The following KCNC1 variants were observed in gnomAD, a reference collection of about 807,000 sequenced individuals.
KCNC1 encodes the protein voltage-gated potassium channel KCNC1.
A neutral mutation model predicts 43.4 loss-of-function variants in KCNC1; 8 were observed. The ratio of observed to expected loss-of-function variants is 0.18; its 90% CI spans 0.11 to 0.33. KCNC1 has a LOEUF of 0.33. Among genes scored for constraint, KCNC1 ranks in the 10% least tolerant of loss-of-function variants. KCNC1 has a pLI of 1.00. For synonymous variants in KCNC1, 361 were observed against 360.5 expected, an observed-to-expected ratio of 1.00 and a Z score of -0.01; for missense variants, 420 against 836.0, an observed-to-expected ratio of 0.50 and a Z score of 6.14.
At chr11:17,755,438 T>A (rs1849013241) in intron 1 of KCNC1, among the ~76,000 whole-genome samples, 1 of 151,998 alleles carries the variant, frequency 6.6e-6, no homozygotes, top group South Asian at 2.1e-4. Context: ...GGGAGACCAG[T>A]TAAGAGACTG....
rs1391331079 is a variant in KCNC1, at chr11:17,739,047, C to G, written c.570+2475C>G. 6.6e-6 allele frequency among the ~76,000 whole-genome samples: 1 copy of G among 152,212 alleles called. No homozygotes were observed. Among genetic ancestry groups the G allele is most frequent in the East Asian group, 1.9e-4 (1 of 5,180 alleles). On this transcript the variant is annotated intron_variant, in intron 1 of 3. Coordinates refer to ENST00000265969, the MANE Select transcript of KCNC1 (RefSeq NM_001112741.2). This position sits in a 1 kb window ranked among gnomAD's most constrained non-coding sequence, Gnocchi z 4.2. ...CCTGCCGCCCGCCCGGCTGGCCTAG[C>G]TGCACTGCGCTGCCTCTCTGCGGCT...
chr11:17,770,071 G>A (rs1422476623), intron 1 of KCNC1, among the ~76,000 whole-genome samples: 1 of 152,268 alleles, frequency 6.6e-6, no homozygotes, highest in Non-Finnish European at 1.5e-5. Flanking sequence ...GCCAGGTTGA[G>A]TGTCAGGCCC....
rs143914441 is a variant in KCNC1 at position 17,779,145 on chromosome 11, C to G, written c.1505-311C>G. ...ACACCATCCTGTTTCATCGGCCCTGCTTGGGGCCCGGGGCCGGCCCCCAGC... is the reference window on the plus strand; with the variant it reads ...ACACCATCCTGTTTCATCGGCCCTGGTTGGGGCCCGGGGCCGGCCCCCAGC... On this transcript the variant is annotated intron_variant, in intron 2 of 3. Transcript: ENST00000265969. The surrounding 1 kb of genome is among the most constrained non-coding windows in gnomAD (Gnocchi z 7.2). 9.7e-4 allele frequency: 260 copies of G among 267,548 alleles called. No homozygotes were observed. The highest frequency in any genetic ancestry group is 5.4e-3 in the African/African-American group (248 of 45,582). 16.6% of individuals were successfully genotyped at this position (267,548 alleles called of 1,614,324 possible). A position where few individuals can be genotyped will look rare whatever the true frequency, so the allele number is the denominator to read the frequency against.
At chr11:17,745,257 G>A (rs1315073239) in intron 1 of KCNC1, among the ~76,000 whole-genome samples, 4 of 152,128 alleles carry the variant, frequency 2.6e-5, no homozygotes, top group East Asian at 3.9e-4. Flanking sequence ...CTGAGGCTTC[G>A]ATGGCAGGGG....
At chr11:17,744,390 G>C (rs1287468813) in intron 1 of KCNC1, among the ~76,000 whole-genome samples, 1 of 152,192 alleles carries the variant, frequency 6.6e-6, no homozygotes, top group African/African-American at 2.4e-5. Flanking sequence ...CCAGCAGGAA[G>C]GGGTCTAAAA....
At chr11:17,762,485 G>T (rs192223218) in intron 1 of KCNC1, among the ~76,000 whole-genome samples, 22 of 152,168 alleles carry the variant, frequency 1.4e-4, no homozygotes, top group Non-Finnish European at 2.6e-4. Context: ...GACAATGAAG[G>T]CTCAGAAAGG....
rs530016748 is a variant in KCNC1 at position 17,742,917 on chromosome 11, C to G, written c.570+6345C>G. On this transcript the variant is annotated intron_variant, in intron 1 of 3. Transcript: ENST00000265969. The surrounding 1 kb of genome is among the most constrained non-coding windows in gnomAD (Gnocchi z 4.2). ...TTATCTACTCCCATTAATTTCCTTC[C>G]TGGGGGAAGTGGAATACACAGATAC... is the stretch of plus-strand genomic sequence containing the variant. 1.3e-5 allele frequency among the ~76,000 whole-genome samples: 2 copies of G among 152,226 alleles called. No homozygotes were observed. The highest frequency in any genetic ancestry group is 2.9e-5 in the Non-Finnish European group (2 of 68,016).
rs1045358067 is a variant in KCNC1, at chr11:17,782,562, A to C, written c.*828A>C. 6.6e-6 allele frequency: 1 copy of C among 152,174 alleles called. No individual in the cohort carries two copies. The highest frequency in any genetic ancestry group is 2.1e-4 in the South Asian group (1 of 4,818). The allele number at this position is 152,174 out of a possible 1,614,324, so 9.4% of individuals were successfully genotyped here. ...TATGGATTTTCCAAGTGTTCCATTA[A>C]AACCAGGATGTAGAGCACCAAAAGA... On this transcript the variant is annotated 3_prime_UTR_variant, in exon 4 of 4. Transcript: ENST00000265969.
chr11:17,746,388 T>C (rs891815060), intron 1 of KCNC1, among the ~76,000 whole-genome samples: 4 of 152,218 alleles, frequency 2.6e-5, no homozygotes, highest in African/African-American at 9.7e-5. Context: ...GCCACGAAAC[T>C]GTTTTCCAAA....
chr11:17,768,617 G>GCA (rs904059091), intron 1 of KCNC1, among the ~76,000 whole-genome samples: 2 of 151,778 alleles, frequency 1.3e-5, no homozygotes, highest in African/African-American at 4.8e-5. Context: ...GTTGGTGGGG[G>GCA]GGGGGGCGGT....
At chr11:17,775,289 G>GC (rs1192625639) in intron 2 of KCNC1, 23 of 372,496 alleles carry the variant, frequency 6.2e-5, no homozygotes, top group East Asian at 3.7e-4. Flanking sequence ...CATCCCTCCC[G>GC]CCCCCCCAGG....
chr11:17,751,050 G>A (rs1302862810), intron 1 of KCNC1, among the ~76,000 whole-genome samples: 1 of 152,206 alleles, frequency 6.6e-6, no homozygotes, highest in African/African-American at 2.4e-5. Context: ...GGAAGGGTTA[G>A]GTAGTATACC....
At chr11:17,762,522 G>T (rs1199728302) in intron 1 of KCNC1, among the ~76,000 whole-genome samples, 4 of 152,212 alleles carry the variant, frequency 2.6e-5, no homozygotes, top group African/African-American at 9.6e-5. Context: ...CAGTCACCTG[G>T]TTGAGTCAGG....
At position 17,779,261 on chromosome 11, in the gene KCNC1, A is replaced by G. The variant is rs529250340; in HGVS notation, c.1505-195A>G. ...CACTCCCAGCACTGTGGGCAGCCCG[A>G]AGGCTGCCTGAATGAGCTGAACCCC... On this transcript the variant is annotated intron_variant, in intron 2 of 3. Transcript: ENST00000265969. The surrounding 1 kb of genome is among the most constrained non-coding windows in gnomAD (Gnocchi z 7.2). The G allele has an allele frequency of 2.5e-3, 1,338 of 544,264 alleles. 8 individuals carry two copies. The highest frequency in any genetic ancestry group is 0.011 in the South Asian group (428 of 37,482). The allele number at this position is 544,264 out of a possible 1,614,324, so 33.7% of individuals were successfully genotyped here. A position where few individuals can be genotyped will look rare whatever the true frequency, so the allele number is the denominator to read the frequency against.
intron 2 of KCNC1, 177 bp downstream of exon 2, chr11:17,772,775 G>A: frequency 3.4e-6 from 5 of 1,483,050 alleles, no homozygotes; most frequent in Non-Finnish European, 4.4e-6. Context: ...AAATTCAGCA[G>A]GCAAGAGCCT....
At chr11:17,760,631 G>T (rs1028820777) in intron 1 of KCNC1, among the ~76,000 whole-genome samples, 23 of 152,180 alleles carry the variant, frequency 1.5e-4, no homozygotes, top group African/African-American at 5.5e-4. Context: ...TGGTGGCCAA[G>T]AAAGGTCAGA....
chr11:17,756,368 G>A (rs1437761384), intron 1 of KCNC1, among the ~76,000 whole-genome samples: 1 of 152,014 alleles, frequency 6.6e-6, no homozygotes, highest in Non-Finnish European at 1.5e-5. Flanking sequence ...AGAAGCTGTG[G>A]CTGTTTTTGC....
rs1849283072 is a variant in KCNC1 at position 17,776,025 on chromosome 11, G to A, written c.1504+3427G>A. On this transcript the variant is annotated intron_variant, in intron 2 of 3. Transcript: ENST00000265969. The surrounding 1 kb of genome is among the most constrained non-coding windows in gnomAD (Gnocchi z 4.4). ...GCAGCGCTGACTAGGCGGCGGGTGG[G>A]GCTAAGAGAGTTTCTGCAGGGACCC... 1 of 985,302 alleles carries A rather than the reference G, an allele frequency of 1.0e-6. No individual in the cohort carries two copies. Among genetic ancestry groups the A allele is most frequent in the African/African-American group, 1.7e-5 (1 of 57,194 alleles). The allele number at this position is 985,302 out of a possible 1,614,324, so 61.0% of individuals were successfully genotyped here.
chr11:17,777,948 A>ACTCTCCC lies in KCNC1; in HGVS notation c.1505-1508_1505-1507insCTCTCCC. On this transcript the variant is annotated intron_variant, in intron 2 of 3. Transcript: ENST00000265969. The surrounding 1 kb of genome is among the most constrained non-coding windows in gnomAD (Gnocchi z 4.3). ...CTGCGTGTAGTTACATGATGTGAAC[A>ACTCTCCC]GGATCACGGGAGAGTGTTCAATCGG... is the stretch of plus-strand genomic sequence containing the variant. 1.7e-5 allele frequency: 11 copies of ACTCTCCC among 630,200 alleles called. No homozygotes were observed. Among genetic ancestry groups the ACTCTCCC allele is most frequent in the Non-Finnish European group, 2.0e-5 (10 of 505,420 alleles). 39.0% of individuals were successfully genotyped at this position (630,200 alleles called of 1,614,324 possible). A position where few individuals can be genotyped will look rare whatever the true frequency, so the allele number is the denominator to read the frequency against.
Sources: gnomAD v4.1 joint callset for allele counts (sites outside exome capture counted in the v4.1 genomes callset) on GRCh38, gnomAD v4.1.1 for gene constraint, Gnocchi (gnomAD v3.1) non-coding constraint, MANE v1.5 for transcripts, NCBI Gene and HGNC (gene_info 2026-07-23, HGNC 2026-07-21) for gene names.